RGS3: variants seen among roughly 807,000 people sequenced by gnomAD.
RGS3 encodes regulator of G-protein signalling 3.
In RGS3, 80 loss-of-function variants were observed where a neutral mutation model predicts 132.6. The observed-to-expected ratio is 0.60, with a 90% CI of 0.50 to 0.73. RGS3 has a LOEUF of 0.73. Among genes scored for constraint, RGS3 ranks in the 30% least tolerant of loss-of-function variants. RGS3 has a pLI of 0.00. For synonymous variants in RGS3, 598 were observed against 620.6 expected (o/e 0.96, Z 0.54); for missense variants, 1,382 against 1,530.8 (o/e 0.90, Z 1.62).
intron 3 of RGS3, among the ~76,000 whole-genome samples, chr9:113,470,228 G>GGGT (rs534331317): frequency 1.3e-5 from 2 of 152,154 alleles, no homozygotes; most frequent in Non-Finnish European, 2.9e-5. Flanking sequence ...TGCAGCAGTT[G>GGGT]GGTGCAGTGT....
At chr9:113,536,398 A>G (rs1413768515) in intron 18 of RGS3, 12 of 762,192 alleles carry the variant, frequency 1.6e-5, no homozygotes, top group Non-Finnish European at 1.9e-5. Context: ...GGAGGTGGGG[A>G]GGGTTCCTGG....
intron 4 of RGS3, among the ~76,000 whole-genome samples, chr9:113,482,781 C>T (rs1460161472): frequency 6.6e-6 from 1 of 152,152 alleles, no homozygotes; most frequent in South Asian, 2.1e-4. Context: ...CTGTAAGATT[C>T]AGGGAATTGA....
chr9:113,475,486 A>G (rs1447362710), intron 3 of RGS3, among the ~76,000 whole-genome samples: 1 of 152,098 alleles, frequency 6.6e-6, no homozygotes, highest in Non-Finnish European at 1.5e-5. Flanking sequence ...GCTCACTACA[A>G]CTTCAACCTC....
intron 7 of RGS3, among the ~76,000 whole-genome samples, chr9:113,491,790 G>A (rs1420667165): frequency 6.6e-6 from 1 of 152,186 alleles, no homozygotes; most frequent in Non-Finnish European, 1.5e-5. Context: ...CTGACCTCAA[G>A]TGATCTGCCT....
chr9:113,517,206 G>A (rs1206429021), intron 15 of RGS3: 3 of 502,930 alleles, frequency 6.0e-6, no homozygotes, highest in Admixed American at 2.3e-5. Flanking sequence ...GGCTGGGAGG[G>A]CCCAGGAGCC....
intron 10 of RGS3, among the ~76,000 whole-genome samples, chr9:113,500,687 CTTTT>C (rs56957630): frequency 1.5e-5 from 2 of 136,046 alleles, no homozygotes; most frequent in Non-Finnish European, 1.6e-5. Flanking sequence ...AATAAATTGA[CTTTT>C]TTTTTTTTTT....
rs561468657 is a variant in RGS3, at chr9:113,446,443, T to C, written c.-13+1516T>C. Among the ~76,000 whole-genome samples, 6 of 152,328 alleles carry C rather than the reference T, an allele frequency of 3.9e-5. No homozygotes were observed. The South Asian group carries it at 1.0e-3, about 26-fold the overall frequency. ...TTTCTGGAACCACTAGGTGGTGATA[T>C]TACATTATGAAAATGACATGCTTTC... On this transcript the variant is annotated intron_variant, in intron 1 of 25. Transcript: ENST00000374140.
intron 20 of RGS3, among the ~76,000 whole-genome samples, chr9:113,585,376 G>C (rs1403055072): frequency 2.6e-5 from 4 of 152,244 alleles, no homozygotes; most frequent in Admixed American, 2.6e-4. Context: ...GAAGAGGCTG[G>C]TGCCTGATAA....
In RGS3 at chr9:113,539,476, A is replaced by T. The variant is rs532263329; in HGVS notation, c.2037+2558A>T. Among the ~76,000 whole-genome samples the T allele has an allele frequency of 1.2e-4, 18 of 152,208 alleles. No individual in the cohort carries two copies. The East Asian group carries it at 2.1e-3, about 18-fold the overall frequency. ...AGGCACATGCCACCATGCCTGGCTA[A>T]TTTTTTTATTTTTAGTAGAGATGGG... is the stretch of plus-strand genomic sequence containing the variant. On this transcript the variant is annotated intron_variant, in intron 19 of 24. Transcript: ENST00000350696.
At chr9:113,588,252 C>T (rs1835225795) in intron 20 of RGS3, among the ~76,000 whole-genome samples, 1 of 152,222 alleles carries the variant, frequency 6.6e-6, no homozygotes, top group Non-Finnish European at 1.5e-5. Flanking sequence ...AGCTCCAAGA[C>T]GATAATACCT....
intron 19 of RGS3, among the ~76,000 whole-genome samples, chr9:113,560,707 G>T (rs573697915): frequency 6.6e-6 from 1 of 152,340 alleles, no homozygotes; most frequent in East Asian, 1.9e-4. Context: ...CCAAACCAGG[G>T]CTGTGAGCCC....
intron 19 of RGS3, among the ~76,000 whole-genome samples, chr9:113,545,722 G>T (rs1399460009): frequency 1.8e-4 from 28 of 152,158 alleles, no homozygotes; most frequent in Non-Finnish European, 3.2e-4. Context: ...AGGTAACCTG[G>T]TGGGCACTTA....
chr9:113,555,731 C>G (rs1208873553), intron 19 of RGS3, among the ~76,000 whole-genome samples: 1 of 152,090 alleles, frequency 6.6e-6, no homozygotes, highest in East Asian at 1.9e-4. Flanking sequence ...TCCCAAAGTG[C>G]TGGGATTACA....
chr9:113,585,906 C>A (rs2118997927), intron 20 of RGS3, among the ~76,000 whole-genome samples: 1 of 152,306 alleles, frequency 6.6e-6, no homozygotes, highest in East Asian at 1.9e-4. Context: ...AGAAAAGGGT[C>A]TTGAACTTTG....
At chr9:113,485,684 G>T in exon 7 of RGS3, 1 of 1,590,306 alleles carries the variant, frequency 6.3e-7, no homozygotes, top group East Asian at 2.3e-5. Context: ...AACAGGGCCA[G>T]CCAGTCCAGG....
intron 19 of RGS3, chr9:113,541,503 C>T (rs781541162): frequency 2.5e-5 from 40 of 1,569,092 alleles, no homozygotes; most frequent in Non-Finnish European, 3.5e-5. Flanking sequence ...AGTAACCTCA[C>T]CTCAACTGGA....
chr9:113,508,517 G>C (rs748285375), intron 13 of RGS3, 24 bp from the exon 12 acceptor site: 9 of 1,612,392 alleles, frequency 5.6e-6, no homozygotes, highest in Non-Finnish European at 7.6e-6. Context: ...GGGCTGAGGT[G>C]GTTTTCCTGT....
Position 113,593,840 on chromosome 9 carries a change from G to T in RGS3, c.3081-590G>T, listed in dbSNP as rs765135702. 6 of 1,406,912 alleles carry T rather than the reference G, an allele frequency of 4.3e-6. No individual in the cohort carries two copies. In the African/African-American group the frequency reaches 7.1e-5, roughly 17 times the overall value. 87.2% of individuals were successfully genotyped at this position (1,406,912 alleles called of 1,614,324 possible). A position where few individuals can be genotyped will look rare whatever the true frequency, so the allele number is the denominator to read the frequency against. ...AGTCCTGCCACCCCGGTGGTGGGCA[G>T]TGCCTCCCCTGGCTCCCTCCTTCCC... On this transcript the variant is annotated intron_variant, in intron 21 of 24. Transcript: ENST00000350696.
chr9:113,525,605 T>A (rs1193184383), intron 17 of RGS3, among the ~76,000 whole-genome samples: 2 of 152,224 alleles, frequency 1.3e-5, no homozygotes, highest in Non-Finnish European at 1.5e-5. Flanking sequence ...CCACCATGTA[T>A]GCAGAATTCA....
Sources: allele counts gnomAD v4.1 joint callset (sites outside exome capture counted in the v4.1 genomes callset), GRCh38; gene constraint gnomAD v4.1.1; transcripts MANE v1.5; gene names NCBI Gene and HGNC (gene_info 2026-07-23, HGNC 2026-07-21).